The following RGS8 variants were observed in gnomAD, a reference collection of about 807,000 sequenced individuals.
The protein encoded by RGS8 is regulator of G-protein signaling 8.
In RGS8, 8 loss-of-function variants were observed where a neutral mutation model predicts 21.7. The ratio of observed to expected loss-of-function variants is 0.37; its 90% CI spans 0.22 to 0.66. The LOEUF is 0.66. RGS8 is among the 30% of genes least tolerant of loss of function. RGS8 has a pLI of 0.59. For missense variants in RGS8, 157 were observed against 217.9 expected, an observed-to-expected ratio of 0.72 and a Z score of 1.76; for synonymous variants, 80 against 83.6, an observed-to-expected ratio of 0.96 and a Z score of 0.24.
In RGS8 at chr1:182,669,759, T is replaced by A. The variant is rs1664061240; in HGVS notation, c.-103-7A>T. 6.3e-7 allele frequency: 1 copy of A among 1,580,240 alleles called. No individual in the cohort carries two copies. Among genetic ancestry groups the A allele is most frequent in the Non-Finnish European group, 8.6e-7 (1 of 1,161,436 alleles). On this transcript the variant is annotated splice_region_variant and splice_polypyrimidine_tract_variant and intron_variant, in intron 2 of 6. Transcript: ENST00000483095. ...CCCTTGCACGTCCTCTCACCTAAAA[T>A]CAAAGAATCTGCTGTAAGAGGGGCC...
chr1:182,746,848 T>C, the RGS8 span, among the ~76,000 whole-genome samples: 2 of 151,982 alleles, frequency 1.3e-5, no homozygotes, highest in Non-Finnish European at 2.9e-5. Context: ...AAAGACAATG[T>C]CTTCTTTAAA....
the RGS8 span, among the ~76,000 whole-genome samples, chr1:182,741,291 G>T: frequency 2.0e-3 from 158 of 77,426 alleles, no homozygotes; most frequent in African/African-American, 8.4e-3. Context: ...CCCGGACGGG[G>T]CGGCTGGCCG....
chr1:182,643,333 C>CCCCG (rs1553214950), downstream of RGS8: 46 of 126,412 alleles, frequency 3.6e-4, 1 homozygote, highest in African/African-American at 1.2e-3. Flanking sequence ...GCCCCCCCGC[C>CCCCG]CCCGCGCTGT....
intron 5 of RGS8, among the ~76,000 whole-genome samples, chr1:182,648,747 A>C (rs964104823): frequency 2.0e-5 from 3 of 151,870 alleles, no homozygotes; most frequent in Non-Finnish European, 4.4e-5. Context: ...AAAAAGAAAA[A>C]AAAAGACCCC....
At chr1:182,666,730 T>C in intron 4 of RGS8, 142 bp downstream of exon 5, 1 of 619,622 alleles carries the variant, frequency 1.6e-6, no homozygotes. Flanking sequence ...AAACATTCCT[T>C]TCACTCACGT....
the RGS8 span, among the ~76,000 whole-genome samples, chr1:182,736,853 G>A: frequency 5.9e-5 from 9 of 152,182 alleles, no homozygotes; most frequent in African/African-American, 1.9e-4. Context: ...CAGCTGCCAT[G>A]CTGTGACATG....
the RGS8 span, chr1:182,734,723 G>A: frequency 6.6e-6 from 1 of 152,180 alleles, no homozygotes; most frequent in Non-Finnish European, 1.5e-5. Flanking sequence ...GAACCAAGGA[G>A]TTATAATTTT....
chr1:182,655,780 T>C (rs1002206099), intron 5 of RGS8, among the ~76,000 whole-genome samples: 9 of 150,124 alleles, frequency 6.0e-5, no homozygotes, highest in Admixed American at 2.0e-4. Flanking sequence ...ACACAGCTCT[T>C]AGCTGATTGA....
the RGS8 span, among the ~76,000 whole-genome samples, chr1:182,733,614 G>T: frequency 6.6e-6 from 1 of 152,160 alleles, no homozygotes; most frequent in African/African-American, 2.4e-5. Context: ...ACACCAGGGG[G>T]TGGGGACAGC....
chr1:182,674,480 T>C (rs1472679313), upstream of RGS8, among the ~76,000 whole-genome samples: 1 of 151,862 alleles, frequency 6.6e-6, no homozygotes, highest in East Asian at 1.9e-4. Context: ...TTTTTTCTAA[T>C]CAAAACACTC....
the RGS8 span, among the ~76,000 whole-genome samples, chr1:182,751,979 G>A: frequency 1.1e-4 from 16 of 152,196 alleles, no homozygotes; most frequent in South Asian, 2.1e-3. Flanking sequence ...CACAGGCGCC[G>A]CGGTTCCTAT....
chr1:182,671,579 G>A (rs892252632), intron 2 of RGS8, 78 bp downstream of exon 3: 3 of 1,289,686 alleles, frequency 2.3e-6, no homozygotes, highest in South Asian at 2.4e-5. Flanking sequence ...GAAGAGGCAA[G>A]TTAATTAAAT....
the RGS8 span, among the ~76,000 whole-genome samples, chr1:182,695,026 T>C: frequency 2.6e-5 from 4 of 152,146 alleles, no homozygotes; most frequent in Admixed American, 2.6e-4. Flanking sequence ...TTTTCTCTCA[T>C]TTTTCTGTGT....
the RGS8 span, among the ~76,000 whole-genome samples, chr1:182,724,627 G>A: frequency 3.3e-5 from 5 of 151,892 alleles, no homozygotes; most frequent in Admixed American, 1.3e-4. Flanking sequence ...GTGCCATCTC[G>A]GCCCACTGCA....
rs879616700 is a variant in RGS8, at chr1:182,669,489, G to A, written c.26+135C>T. The A allele has an allele frequency of 3.2e-5, 40 of 1,268,726 alleles. No individual in the cohort carries two copies. In the Admixed American group the frequency reaches 5.7e-4, roughly 18 times the overall value. 78.6% of individuals were successfully genotyped at this position (1,268,726 alleles called of 1,614,324 possible). A position where few individuals can be genotyped will look rare whatever the true frequency, so the allele number is the denominator to read the frequency against. ...AAGAACCGTGCAGTTCACACAGGAGGCCTATGGGGACAGATGAAAGTAGAC... is the reference window on the plus strand; with the variant it reads ...AAGAACCGTGCAGTTCACACAGGAGACCTATGGGGACAGATGAAAGTAGAC... On this transcript the variant is annotated intron_variant, in intron 3 of 6. Transcript: ENST00000483095.
At chr1:182,720,038 T>C in the RGS8 span, among the ~76,000 whole-genome samples, 1 of 152,238 alleles carries the variant, frequency 6.6e-6, no homozygotes, top group African/African-American at 2.4e-5. Flanking sequence ...TATGTTTAGA[T>C]GATTCTCTTC....
chr1:182,733,036 C>T, the RGS8 span, among the ~76,000 whole-genome samples: 2 of 152,186 alleles, frequency 1.3e-5, no homozygotes, highest in African/African-American at 4.8e-5. Flanking sequence ...ATAGAGGAAA[C>T]CTGAATACAG....
exon 3 of RGS8, chr1:182,669,692 G>A (rs771435417): frequency 6.2e-7 from 1 of 1,614,008 alleles, no homozygotes; most frequent in East Asian, 2.2e-5. Flanking sequence ...GGTATGCAGG[G>A]ACGTCAGGGC....
chr1:182,690,956 A>G, the RGS8 span, among the ~76,000 whole-genome samples: 5,502 of 152,310 alleles, frequency 0.036, 131 homozygotes, highest in Admixed American at 0.045. Context: ...TAGCTTCCTC[A>G]TGAGGAACCC....
Sources: allele counts gnomAD v4.1 joint callset (sites outside exome capture counted in the v4.1 genomes callset), GRCh38; gene constraint gnomAD v4.1.1; transcripts MANE v1.5; gene names NCBI Gene and HGNC (gene_info 2026-07-23, HGNC 2026-07-21).